Variants in LRRTM4 observed in about 807,000 individuals in gnomAD.
The protein encoded by LRRTM4 is leucine rich repeat transmembrane neuronal 4, also known as leucine-rich repeat transmembrane neuronal protein 4.
In LRRTM4, 25 loss-of-function variants were observed where a neutral mutation model predicts 47.6. The ratio of observed to expected loss-of-function variants is 0.53; its 90% CI spans 0.38 to 0.73. LRRTM4 has a LOEUF of 0.73. Among genes scored for constraint, LRRTM4 ranks in the 30% least tolerant of loss-of-function variants. The probability of loss-of-function intolerance (pLI) is 0.00; values close to 1 mark genes in which losing one functional copy is unlikely to be tolerated. For synonymous variants in LRRTM4, 311 were observed against 269.5 expected, an observed-to-expected ratio of 1.15 and a Z score of -1.51; for missense variants, 638 against 713.4, an observed-to-expected ratio of 0.89 and a Z score of 1.20.
chr2:76,860,997 C>A (rs1427279024), intron 3 of LRRTM4, among the ~76,000 whole-genome samples: 1 of 152,168 alleles, frequency 6.6e-6, no homozygotes, highest in East Asian at 1.9e-4. Flanking sequence ...TTGACTAAGA[C>A]AGTGATTAAT....
intron 3 of LRRTM4, among the ~76,000 whole-genome samples, chr2:76,888,031 G>T (rs1038050056): frequency 6.7e-6 from 1 of 149,192 alleles, no homozygotes; most frequent in African/African-American, 2.4e-5. Flanking sequence ...TGCACACACT[G>T]TGTGTGTGTA....
intron 3 of LRRTM4, among the ~76,000 whole-genome samples, chr2:77,434,016 G>A (rs1490308714): frequency 6.6e-6 from 1 of 152,184 alleles, no homozygotes; most frequent in Non-Finnish European, 1.5e-5. Flanking sequence ...AGAACCATGC[G>A]GTTCTAGACT....
intron 3 of LRRTM4, among the ~76,000 whole-genome samples, chr2:77,252,578 A>G (rs1280252199): frequency 6.6e-6 from 1 of 152,116 alleles, no homozygotes; most frequent in African/African-American, 2.4e-5. Context: ...TTCCTACCTC[A>G]TTTCATTTTA....
At chr2:76,972,832 G>C (rs1054275579) in intron 3 of LRRTM4, among the ~76,000 whole-genome samples, 1 of 151,954 alleles carries the variant, frequency 6.6e-6, no homozygotes, top group African/African-American at 2.4e-5. Flanking sequence ...GGCATGTTTT[G>C]TGTCTGATTT....
intron 3 of LRRTM4, among the ~76,000 whole-genome samples, chr2:77,355,043 T>C (rs1425644839): frequency 6.6e-6 from 1 of 152,200 alleles, no homozygotes; most frequent in African/African-American, 2.4e-5. Flanking sequence ...AAATGTACTA[T>C]TGAATATGAG....
intron 3 of LRRTM4, among the ~76,000 whole-genome samples, chr2:77,240,148 T>G (rs146666178): frequency 1.4e-3 from 212 of 152,038 alleles, no homozygotes; most frequent in African/African-American, 5.0e-3. Flanking sequence ...AAAATTTCCA[T>G]ATATTTAGAA....
At chr2:77,009,013 T>G (rs1057440630) in intron 3 of LRRTM4, 1 of 152,034 alleles carries the variant, frequency 6.6e-6, no homozygotes, top group Non-Finnish European at 1.5e-5. Context: ...CTTGTCTCTT[T>G]TCATTCACAG....
At chr2:77,189,699 C>T (rs1051702623) in intron 3 of LRRTM4, among the ~76,000 whole-genome samples, 1 of 151,618 alleles carries the variant, frequency 6.6e-6, no homozygotes, top group Non-Finnish European at 1.5e-5. Context: ...AGTCACTAGT[C>T]TATGCTAATT....
At chr2:76,822,238 G>A (rs754473107) in intron 3 of LRRTM4, among the ~76,000 whole-genome samples, 17 of 151,232 alleles carry the variant, frequency 1.1e-4, no homozygotes, top group Non-Finnish European at 2.4e-4. Context: ...AAAAACAAGA[G>A]ATACTAAGGC....
At chr2:77,088,398 G>A (rs926786694) in intron 3 of LRRTM4, among the ~76,000 whole-genome samples, 1 of 152,114 alleles carries the variant, frequency 6.6e-6, no homozygotes, top group Non-Finnish European at 1.5e-5. Context: ...TGCCTTAAGT[G>A]ATGACATTAC....
intron 3 of LRRTM4, among the ~76,000 whole-genome samples, chr2:76,937,997 A>G (rs140861043): frequency 6.6e-6 from 1 of 152,104 alleles, no homozygotes; most frequent in Middle Eastern, 3.2e-3. Context: ...GGGAGTTTTC[A>G]TTAATTGATT....
intron 3 of LRRTM4, among the ~76,000 whole-genome samples, chr2:77,126,385 A>G (rs995720921): frequency 6.6e-6 from 1 of 152,186 alleles, no homozygotes. Context: ...GTATAAAGCA[A>G]GGAGAAGTAG....
rs190976372 is a variant in LRRTM4, at chr2:77,041,144, G to C, written c.1552-292228C>G. 4.6e-5 allele frequency among the ~76,000 whole-genome samples: 7 copies of C among 151,520 alleles called. No homozygotes were observed. In the East Asian group the frequency reaches 1.4e-3, roughly 30 times the overall value. ...TTCTACTTCTGTTAGATCAACTTTA[G>C]ATTCCACCTATGAGTGAGATCAAAC... On this transcript the variant is annotated intron_variant, in intron 3 of 3. Transcript: ENST00000409884.
At chr2:77,124,963 A>T (rs1671616359) in intron 3 of LRRTM4, among the ~76,000 whole-genome samples, 1 of 152,184 alleles carries the variant, frequency 6.6e-6, no homozygotes, top group Non-Finnish European at 1.5e-5. Flanking sequence ...AGCCTAGTTA[A>T]GCAGGACATG....
chr2:76,763,502 T>G (rs2104089235), intron 3 of LRRTM4, among the ~76,000 whole-genome samples: 1 of 152,320 alleles, frequency 6.6e-6, no homozygotes, highest in South Asian at 2.1e-4. Context: ...GAAACCTACC[T>G]TAATAGCACC....
chr2:77,407,696 GATATATATAATATATCAT>G (rs1558728923), intron 3 of LRRTM4, among the ~76,000 whole-genome samples: 1 of 120,248 alleles, frequency 8.3e-6, no homozygotes, highest in Non-Finnish European at 1.7e-5. Flanking sequence ...TATAATATAT[GATATATATAATATATCAT>G]ATATTATATT....
intron 3 of LRRTM4, among the ~76,000 whole-genome samples, chr2:77,244,876 A>G (rs1246465467): frequency 6.6e-6 from 1 of 152,152 alleles, no homozygotes; most frequent in Non-Finnish European, 1.5e-5. Flanking sequence ...TGAGAAAACA[A>G]ATCCTGGCAA....
chr2:76,984,750 C>G (rs1676734902), intron 3 of LRRTM4, among the ~76,000 whole-genome samples: 1 of 151,992 alleles, frequency 6.6e-6, no homozygotes, highest in African/African-American at 2.4e-5. Flanking sequence ...GATTCTTTAT[C>G]TAGGAGAATA....
At chr2:77,464,374 T>C (rs1676903530) in intron 3 of LRRTM4, among the ~76,000 whole-genome samples, 3 of 152,168 alleles carry the variant, frequency 2.0e-5, no homozygotes, top group Non-Finnish European at 4.4e-5. Flanking sequence ...GAATCACATA[T>C]ATAATTTTAC....
Sources: gnomAD v4.1 joint callset for allele counts (sites outside exome capture counted in the v4.1 genomes callset) on GRCh38, gnomAD v4.1.1 for gene constraint, MANE v1.5 for transcripts, NCBI Gene and HGNC (gene_info 2026-07-23, HGNC 2026-07-21) for gene names.